The following CTNNA3 variants were observed in gnomAD, a reference collection of about 807,000 sequenced individuals.
CTNNA3 encodes the protein catenin alpha-3.
Under a neutral mutation model 95.7 loss-of-function variants are expected in CTNNA3, and 76 were observed. The ratio of observed to expected loss-of-function variants is 0.79; its 90% CI spans 0.66 to 0.96. The LOEUF (loss-of-function observed/expected upper bound fraction) is 0.96, where lower values mean the gene tolerates loss of function less well. CTNNA3 is among the 40% of genes least tolerant of loss of function. CTNNA3 has a pLI of 0.00. For synonymous variants in CTNNA3, 431 were observed against 374.4 expected (o/e 1.15, Z -1.74); for missense variants, 1,191 against 1,089.8 (o/e 1.09, Z -1.31).
chr10:67,177,200 C>T (rs988713731), intron 7 of CTNNA3, among the ~76,000 whole-genome samples: 2 of 152,144 alleles, frequency 1.3e-5, no homozygotes, highest in Non-Finnish European at 2.9e-5. Flanking sequence ...TTGCTAATTT[C>T]TTCTTAATGT....
chr10:66,163,012 C>T (rs1275558717), intron 13 of CTNNA3, among the ~76,000 whole-genome samples: 2 of 152,038 alleles, frequency 1.3e-5, no homozygotes, highest in African/African-American at 4.8e-5. Context: ...AGTCACAGAC[C>T]TCACCCAGCT....
At chr10:67,668,783 A>T (rs1216448931) in intron 1 of CTNNA3, among the ~76,000 whole-genome samples, 1 of 150,810 alleles carries the variant, frequency 6.6e-6, no homozygotes, top group African/African-American at 2.4e-5. Context: ...GACCTTGAGT[A>T]TCTAAAACCA....
rs183439243 is a variant in CTNNA3, at chr10:66,156,667, A to G, written c.1885-53418T>C. Among the ~76,000 whole-genome samples, 3 of 152,046 alleles carry G rather than the reference A, an allele frequency of 2.0e-5. No homozygotes were observed. The East Asian group carries it at 5.8e-4, about 29-fold the overall frequency. On this transcript the variant is annotated intron_variant, in intron 13 of 17. Coordinates refer to ENST00000433211, the MANE Select transcript of CTNNA3 (RefSeq NM_013266.4). ...AACATATAGAAAGATAGAGGAGATG[A>G]TATTTCACATATGGCATTGGGAGTG...
intron 13 of CTNNA3, among the ~76,000 whole-genome samples, chr10:66,106,002 G>A (rs769772005): frequency 2.0e-5 from 3 of 152,122 alleles, no homozygotes; most frequent in African/African-American, 4.8e-5. Flanking sequence ...TGAGTCAGAT[G>A]TTCGAGACCA....
At chr10:66,580,883 T>C (rs1209008889) in intron 10 of CTNNA3, among the ~76,000 whole-genome samples, 1 of 151,704 alleles carries the variant, frequency 6.6e-6, no homozygotes, top group Non-Finnish European at 1.5e-5. Flanking sequence ...ACTCAATAGG[T>C]AGTTTTTCAT....
intron 7 of CTNNA3, among the ~76,000 whole-genome samples, chr10:67,046,755 T>C (rs950904438): frequency 1.3e-5 from 2 of 152,166 alleles, no homozygotes; most frequent in Non-Finnish European, 2.9e-5. Flanking sequence ...AATCTAGTTC[T>C]GAATAAATAA....
intron 10 of CTNNA3, among the ~76,000 whole-genome samples, chr10:66,583,035 T>C (rs1843242967): frequency 6.6e-6 from 1 of 151,912 alleles, no homozygotes; most frequent in Non-Finnish European, 1.5e-5. Flanking sequence ...TTGGATTTGG[T>C]TTGCTACTAT....
intron 7 of CTNNA3, among the ~76,000 whole-genome samples, chr10:66,876,690 TA>T (rs753192352): frequency 0.43 from 64,966 of 151,790 alleles, 14,219 homozygotes; most frequent in Non-Finnish European, 0.46. Flanking sequence ...TAACAATGTT[TA>T]ACCTTAGCAG....
chr10:66,486,985 A>T (rs1479288845), intron 11 of CTNNA3, among the ~76,000 whole-genome samples: 1 of 152,110 alleles, frequency 6.6e-6, no homozygotes, highest in Non-Finnish European at 1.5e-5. Flanking sequence ...TTATACATGG[A>T]ATCTAAAAAA....
chr10:66,586,058 G>A (rs1843350642), intron 10 of CTNNA3, among the ~76,000 whole-genome samples: 1 of 152,084 alleles, frequency 6.6e-6, no homozygotes, highest in Non-Finnish European at 1.5e-5. Context: ...GAGAATCATT[G>A]TGAAGTGTCT....
At chr10:67,483,080 C>A (rs1194230176) in intron 5 of CTNNA3, among the ~76,000 whole-genome samples, 1 of 151,918 alleles carries the variant, frequency 6.6e-6, no homozygotes, top group African/African-American at 2.4e-5. Flanking sequence ...CCATCTCACA[C>A]CAGTTAGAAT....
intron 16 of CTNNA3, among the ~76,000 whole-genome samples, chr10:65,979,574 A>C (rs982424389): frequency 6.6e-6 from 1 of 152,132 alleles, no homozygotes; most frequent in African/African-American, 2.4e-5. Flanking sequence ...AACTACAAGA[A>C]GAAACTTTGC....
intron 13 of CTNNA3, among the ~76,000 whole-genome samples, chr10:66,199,790 TATATATATATA>T (rs1564756131): frequency 2.0e-3 from 30 of 14,742 alleles, no homozygotes; most frequent in East Asian, 9.5e-3. Flanking sequence ...TATATATATA[TATATATATATA>T]TATATTTTTT....
At chr10:67,147,572 A>G (rs1045523295) in intron 7 of CTNNA3, among the ~76,000 whole-genome samples, 1 of 152,232 alleles carries the variant, frequency 6.6e-6, no homozygotes, top group Non-Finnish European at 1.5e-5. Flanking sequence ...TTAAGAATAA[A>G]CTGAGATAAA....
At chr10:66,423,037 T>C (rs1019809896) in intron 11 of CTNNA3, among the ~76,000 whole-genome samples, 3 of 152,092 alleles carry the variant, frequency 2.0e-5, no homozygotes, top group Non-Finnish European at 4.4e-5. Context: ...CACCTGGTGG[T>C]AGTTTTACAG....
intron 11 of CTNNA3, among the ~76,000 whole-genome samples, chr10:66,431,574 T>G (rs567357409): frequency 6.6e-4 from 101 of 151,914 alleles, no homozygotes; most frequent in South Asian, 4.4e-3. Flanking sequence ...CCATAAAAAA[T>G]GATGAGTTCA....
intron 7 of CTNNA3, among the ~76,000 whole-genome samples, chr10:67,171,574 CAA>C (rs753134692): frequency 8.3e-5 from 11 of 132,060 alleles, no homozygotes; most frequent in Non-Finnish European, 6.5e-5. Context: ...AACTCTGTCT[CAA>C]AAAAAAAAAA....
At chr10:67,517,721 C>T (rs1325945343) in intron 5 of CTNNA3, among the ~76,000 whole-genome samples, 3 of 152,104 alleles carry the variant, frequency 2.0e-5, no homozygotes, top group Non-Finnish European at 4.4e-5. Context: ...AGAGATATCA[C>T]CTTAGAAACA....
intron 5 of CTNNA3, among the ~76,000 whole-genome samples, chr10:67,237,120 GTGTATGTATATATATATA>G (rs1426364179): frequency 0.016 from 244 of 15,648 alleles, 7 homozygotes; most frequent in Non-Finnish European, 0.02. Flanking sequence ...AGAAACTATG[GTGTATGTATATATATATA>G]TATATATATA....
Sources: allele counts gnomAD v4.1 joint callset (sites outside exome capture counted in the v4.1 genomes callset), GRCh38; gene constraint gnomAD v4.1.1; transcripts MANE v1.5; gene names NCBI Gene and HGNC (gene_info 2026-07-23, HGNC 2026-07-21).